Variants in ARHGAP28 observed in about 807,000 individuals in gnomAD.
ARHGAP28 encodes the protein Rho GTPase activating protein 28.
ARHGAP28 carries 56 observed loss-of-function variants against 90.7 expected under a neutral mutation model. That is an observed-to-expected ratio of 0.62 (90% CI 0.50 to 0.77). ARHGAP28 has a LOEUF of 0.77. ARHGAP28 is among the 30% of genes least tolerant of loss of function. The pLI is 0.00. For missense variants in ARHGAP28, 869 were observed against 900.9 expected (o/e 0.96, Z 0.45); for synonymous variants, 308 against 323.3 (o/e 0.95, Z 0.51).
intron 16 of ARHGAP28, among the ~76,000 whole-genome samples, chr18:6,901,526 CA>C (rs2057338290): frequency 2.2e-5 from 3 of 134,998 alleles, no homozygotes; most frequent in African/African-American, 8.8e-5. Context: ...TATCAAGGTA[CA>C]CCCTTGATAT....
rs1294520205 is a variant in ARHGAP28 at position 6,763,817 on chromosome 18, G to C, written c.122+33874G>C. On this transcript the variant is annotated intron_variant, in intron 1 of 17. Coordinates refer to ENST00000383472, the MANE Select transcript of ARHGAP28 (RefSeq NM_001366230.1). ...TTTAGGTAGGGAGGATACAGGAGCC[G>C]AAGTGCAGCGGAGAGGGCTTAAGTG... is the stretch of plus-strand genomic sequence containing the variant. Among the ~76,000 whole-genome samples, 3 of 152,218 alleles carry C rather than the reference G, an allele frequency of 2.0e-5. No homozygotes were observed. The East Asian group carries it at 5.8e-4, about 29-fold the overall frequency.
intron 1 of ARHGAP28, among the ~76,000 whole-genome samples, chr18:6,795,539 A>G (rs2056435867): frequency 6.6e-6 from 1 of 152,204 alleles, no homozygotes; most frequent in Non-Finnish European, 1.5e-5. Flanking sequence ...TTTGCAGGCC[A>G]TATGATCTCT....
chr18:6,816,779 C>T (rs899816731), intron 1 of ARHGAP28, among the ~76,000 whole-genome samples: 3 of 152,018 alleles, frequency 2.0e-5, no homozygotes, highest in Non-Finnish European at 4.4e-5. Flanking sequence ...ATTTGGTAGC[C>T]CTTACAATTG....
chr18:6,898,792 C>T, intron 16 of ARHGAP28: 1 of 1,216,114 alleles, frequency 8.2e-7, no homozygotes, highest in Non-Finnish European at 1.0e-6. Flanking sequence ...GAATGGAAAA[C>T]CAAACATCAT....
At chr18:6,821,555 A>G (rs2056626993) in intron 1 of ARHGAP28, among the ~76,000 whole-genome samples, 1 of 152,208 alleles carries the variant, frequency 6.6e-6, no homozygotes, top group Non-Finnish European at 1.5e-5. Context: ...GTGGAAATTC[A>G]TGGTTCCTTC....
At chr18:6,822,983 C>G (rs747910845) in intron 1 of ARHGAP28, among the ~76,000 whole-genome samples, 5 of 152,150 alleles carry the variant, frequency 3.3e-5, no homozygotes, top group Non-Finnish European at 5.9e-5. Context: ...ATGTAATTGT[C>G]CTAAGTCGTC....
chr18:6,825,093 A>G (rs2056652921), intron 2 of ARHGAP28, 129 bp downstream of exon 2: 2 of 888,460 alleles, frequency 2.3e-6, no homozygotes, highest in Non-Finnish European at 3.3e-6. Flanking sequence ...TGGCATATTG[A>G]TGATCTACTC....
intron 3 of ARHGAP28, among the ~76,000 whole-genome samples, chr18:6,847,731 A>C (rs1361586002): frequency 6.6e-6 from 1 of 152,054 alleles, no homozygotes. Context: ...AAAATACATA[A>C]TCTGGTTTGC....
rs1291702490 is a variant in ARHGAP28 at position 6,767,291 on chromosome 18, CAT to C, written c.122+37349_122+37350del. ...CTGCTATCATATATTTTATTTATTA[CAT>C]GTCATAAACCTTAAAATACATTATC... On this transcript the variant is annotated intron_variant, in intron 1 of 17. Transcript: ENST00000383472. Among the ~76,000 whole-genome samples, 6 of 152,128 alleles carry C rather than the reference CAT, an allele frequency of 3.9e-5. No individual in the cohort carries two copies. The East Asian group carries it at 9.7e-4, about 24-fold the overall frequency.
intron 1 of ARHGAP28, 38 bp from the exon 2 acceptor site, chr18:6,824,724 T>C (rs979927729): frequency 4.1e-6 from 6 of 1,470,134 alleles, no homozygotes; most frequent in Non-Finnish European, 5.4e-6. Flanking sequence ...CATAAAAATA[T>C]AACCCGTTTT....
chr18:6,741,263 G>C (rs2055975038), intron 1 of ARHGAP28, among the ~76,000 whole-genome samples: 1 of 152,138 alleles, frequency 6.6e-6, no homozygotes, highest in South Asian at 2.1e-4. Flanking sequence ...AGGATGCCTG[G>C]CCCTGTGATT....
chr18:6,889,868 A>C lies in ARHGAP28; in HGVS notation c.1537-20A>C, dbSNP rs1600291251. ...TTTTGACAGTGTACAATTGTATGAC[A>C]CAATGCTGTTTCTTCTTAGGCCCTC... On this transcript the variant is annotated intron_variant, in intron 12 of 17. Coordinates refer to ENST00000383472, the MANE Select transcript of ARHGAP28 (RefSeq NM_001366230.1). 1.2e-6 allele frequency: 2 copies of C among 1,611,962 alleles called. No homozygotes were observed. Among genetic ancestry groups the C allele is most frequent in the South Asian group, 1.1e-5 (1 of 90,998 alleles).
At chr18:6,891,527 G>A (rs904039985) in intron 14 of ARHGAP28, among the ~76,000 whole-genome samples, 8 of 151,884 alleles carry the variant, frequency 5.3e-5, no homozygotes, top group Admixed American at 1.3e-4. Context: ...CAGATGATCC[G>A]CCTGACTCAG....
intron 4 of ARHGAP28, among the ~76,000 whole-genome samples, chr18:6,858,100 C>T (rs1377155553): frequency 1.3e-5 from 2 of 152,126 alleles, no homozygotes; most frequent in Non-Finnish European, 2.9e-5. Context: ...TGTACTCAAA[C>T]TAGGAATTCA....
intron 5 of ARHGAP28, among the ~76,000 whole-genome samples, chr18:6,862,019 T>C (rs2057002403): frequency 6.6e-6 from 1 of 152,178 alleles, no homozygotes; most frequent in Non-Finnish European, 1.5e-5. Flanking sequence ...TCAGCAGTAT[T>C]GGGTCTAAAA....
At chr18:6,776,070 T>C (rs963029791) in intron 1 of ARHGAP28, among the ~76,000 whole-genome samples, 4 of 151,996 alleles carry the variant, frequency 2.6e-5, no homozygotes, top group African/African-American at 9.7e-5. Flanking sequence ...CTGAAGACAA[T>C]GGACACAGTA....
intron 1 of ARHGAP28, among the ~76,000 whole-genome samples, chr18:6,796,409 C>A (rs1281077009): frequency 6.6e-6 from 1 of 152,140 alleles, no homozygotes; most frequent in Non-Finnish European, 1.5e-5. Flanking sequence ...TCCCACACAT[C>A]AACTTACCCA....
chr18:6,882,417 T>G, intron 11 of ARHGAP28, 118 bp downstream of exon 11: 1 of 964,170 alleles, frequency 1.0e-6, no homozygotes, highest in Non-Finnish European at 1.5e-6. Flanking sequence ...CTGACAGTGC[T>G]TGGTGGAATA....
chr18:6,743,142 G>A (rs2055994043), intron 1 of ARHGAP28, among the ~76,000 whole-genome samples: 1 of 151,932 alleles, frequency 6.6e-6, no homozygotes, highest in East Asian at 1.9e-4. Flanking sequence ...ACCGACGAGG[G>A]GAGCATTAAA....
Sources: gnomAD v4.1 joint callset for allele counts (sites outside exome capture counted in the v4.1 genomes callset) on GRCh38, gnomAD v4.1.1 for gene constraint, MANE v1.5 for transcripts, NCBI Gene and HGNC (gene_info 2026-07-23, HGNC 2026-07-21) for gene names.